PALD1: variants seen among roughly 807,000 people sequenced by gnomAD.
PALD1 encodes the protein paladin.
In PALD1, 57 loss-of-function variants were observed where a neutral mutation model predicts 96.0. The observed-to-expected ratio is 0.59, with a 90% confidence interval of 0.48 to 0.74. The LOEUF is 0.74. Ranked by LOEUF, PALD1 falls within the 30% of genes least tolerant of loss-of-function variation. PALD1 has a pLI of 0.00. For missense variants in PALD1, 1,063 were observed against 1,143.7 expected (o/e 0.93, Z 1.02); for synonymous variants, 464 against 473.6 (o/e 0.98, Z 0.26).
intron 1 of PALD1, among the ~76,000 whole-genome samples, chr10:70,508,133 A>C (rs1478642274): frequency 6.6e-5 from 10 of 152,194 alleles, no homozygotes; most frequent in Non-Finnish European, 1.2e-4. Context: ...AAGAAACAGC[A>C]GCATCTTTTC....
At chr10:70,487,275 A>C (rs901929067) in intron 1 of PALD1, among the ~76,000 whole-genome samples, 16 of 148,102 alleles carry the variant, frequency 1.1e-4, no homozygotes, top group Non-Finnish European at 2.0e-4. Context: ...CTGGGACTAC[A>C]GGCGCCCGCC....
intron 1 of PALD1, among the ~76,000 whole-genome samples, chr10:70,500,341 C>G (rs553885659): frequency 6.6e-6 from 1 of 152,296 alleles, no homozygotes; most frequent in East Asian, 1.9e-4. Context: ...GGTCGTGCTT[C>G]TCTCCCATTG....
rs368942618 is a variant in PALD1 at position 70,539,175 on chromosome 10, C to T, written c.1653C>T (p.Ala551=). 2.0e-5 allele frequency: 33 copies of T among 1,613,108 alleles called. No homozygotes were observed. Among genetic ancestry groups the T allele is most frequent in the African/African-American group, 1.7e-4 (13 of 74,918 alleles). ...TCTGGGTGAGCCTTCGGGAGGAGGCCGTGTTGGAGTGTGACGGGCACACCT... is the reference window on the plus strand; with the variant it reads ...TCTGGGTGAGCCTTCGGGAGGAGGCTGTGTTGGAGTGTGACGGGCACACCT... ...KVVWVSLREE[A]VLECDGHTYS... The change falls in exon 14 of 20, where the codon GCC becomes GCT. Residue 551 remains alanine, a synonymous_variant. Coordinates refer to ENST00000263563, the MANE Select transcript of PALD1 (RefSeq NM_014431.3). This position sits in a 1 kb window ranked among gnomAD's most constrained non-coding sequence, Gnocchi z 4.5.
chr10:70,525,907 C>T lies in PALD1; in HGVS notation c.-29-16C>T. ...TTCCCATCCCCTCCTTCACTGCACA[C>T]CCTCTTATCCTACAGGTCTGGGGTC... On this transcript the variant is annotated splice_polypyrimidine_tract_variant and intron_variant, in intron 1 of 19. Coordinates refer to ENST00000263563, the MANE Select transcript of PALD1 (RefSeq NM_014431.3). 2 of 1,605,998 alleles carry T rather than the reference C, an allele frequency of 1.2e-6. No individual in the cohort carries two copies. The highest frequency in any genetic ancestry group is 8.5e-7 in the Non-Finnish European group (1 of 1,174,178).
At chr10:70,542,763 C>T (rs900523181) in intron 17 of PALD1, among the ~76,000 whole-genome samples, 1 of 152,194 alleles carries the variant, frequency 6.6e-6, no homozygotes, top group Admixed American at 6.5e-5. Flanking sequence ...TGAGTCCCTG[C>T]TTTCAGTTCT....
At chr10:70,503,714 C>T (rs1846337573) in intron 1 of PALD1, among the ~76,000 whole-genome samples, 1 of 152,148 alleles carries the variant, frequency 6.6e-6, no homozygotes, top group Admixed American at 6.6e-5. Context: ...CTTGTAACTT[C>T]GTGTTTTGTT....
the PALD1 span, among the ~76,000 whole-genome samples, chr10:70,469,452 C>G: frequency 2.0e-5 from 3 of 152,164 alleles, no homozygotes; most frequent in Non-Finnish European, 4.4e-5. Context: ...GAGGGGCCTT[C>G]CAAGCCAGCG....
intron 18 of PALD1, among the ~76,000 whole-genome samples, chr10:70,555,882 T>C (rs1474243388): frequency 1.3e-5 from 2 of 152,132 alleles, no homozygotes; most frequent in African/African-American, 4.8e-5. Context: ...TCACCTGTAG[T>C]CCCAGCTACT....
chr10:70,504,623 T>C (rs188461412), intron 1 of PALD1, among the ~76,000 whole-genome samples: 1 of 152,328 alleles, frequency 6.6e-6, no homozygotes, highest in Admixed American at 6.5e-5. Flanking sequence ...GGAAAATAAC[T>C]GTATGTTCCA....
chr10:70,556,863 C>T (rs956140507), intron 18 of PALD1, among the ~76,000 whole-genome samples: 2 of 152,164 alleles, frequency 1.3e-5, no homozygotes, highest in Non-Finnish European at 1.5e-5. Flanking sequence ...CTCTCATTGT[C>T]CCGATTGTGG....
At chr10:70,491,770 T>G (rs1846102849) in intron 1 of PALD1, among the ~76,000 whole-genome samples, 2 of 152,204 alleles carry the variant, frequency 1.3e-5, no homozygotes, top group Non-Finnish European at 2.9e-5. Flanking sequence ...TCCCCCAGCC[T>G]TGGCAACCAT....
the PALD1 span, among the ~76,000 whole-genome samples, chr10:70,469,258 G>A: frequency 1.3e-5 from 2 of 152,162 alleles, no homozygotes; most frequent in Non-Finnish European, 2.9e-5. Context: ...TAAACCCTCC[G>A]AGGGGGCTTT....
intron 18 of PALD1, among the ~76,000 whole-genome samples, chr10:70,559,163 G>C (rs945284363): frequency 1.3e-5 from 2 of 152,152 alleles, no homozygotes; most frequent in African/African-American, 4.8e-5. Context: ...GCGGTATGAG[G>C]GCTTGCAGTG....
At chr10:70,510,526 TAGAC>T (rs1368490249) in intron 1 of PALD1, among the ~76,000 whole-genome samples, 1 of 152,180 alleles carries the variant, frequency 6.6e-6, no homozygotes, top group Admixed American at 6.5e-5. Context: ...AACCTAGAGA[TAGAC>T]AGGAGCCAGC....
intron 18 of PALD1, among the ~76,000 whole-genome samples, chr10:70,558,601 T>C (rs982947846): frequency 4.6e-5 from 7 of 151,688 alleles, no homozygotes; most frequent in African/African-American, 1.5e-4. Flanking sequence ...GGGGTATCCG[T>C]TGGGAGAAGC....
chr10:70,484,160 G>A (rs565225034), intron 1 of PALD1, among the ~76,000 whole-genome samples: 10 of 152,064 alleles, frequency 6.6e-5, no homozygotes, highest in African/African-American at 9.6e-5. Flanking sequence ...CCACCACTAC[G>A]CCCAGCTAAT....
chr10:70,479,969 C>A (rs1462421140), intron 1 of PALD1, among the ~76,000 whole-genome samples: 1 of 152,226 alleles, frequency 6.6e-6, no homozygotes, highest in Non-Finnish European at 1.5e-5. Context: ...CAATACCAGT[C>A]CTGAACTGGT....
intron 18 of PALD1, 146 bp from the exon 19 acceptor site, chr10:70,564,218 C>A: frequency 1.2e-6 from 1 of 822,740 alleles, no homozygotes; most frequent in Non-Finnish European, 1.9e-6. Context: ...TGCTCCATTG[C>A]TTGTCCTGTA....
intron 4 of PALD1, 134 bp downstream of exon 4, chr10:70,530,202 C>CA: frequency 6.1e-6 from 4 of 660,926 alleles, no homozygotes; most frequent in Non-Finnish European, 9.5e-6. Context: ...TGGACCAGGC[C>CA]CTGCCTGCCA....
Sources: allele counts gnomAD v4.1 joint callset (sites outside exome capture counted in the v4.1 genomes callset), GRCh38; gene constraint gnomAD v4.1.1; non-coding constraint Gnocchi (gnomAD v3.1); transcripts MANE v1.5; gene names NCBI Gene and HGNC (gene_info 2026-07-23, HGNC 2026-07-21).